KAZN: variants seen among roughly 807,000 people sequenced by gnomAD.
KAZN encodes the protein kazrin.
KAZN carries 40 observed loss-of-function variants against 87.4 expected under a neutral mutation model. That is an observed-to-expected ratio of 0.46 (90% CI 0.36 to 0.60). The LOEUF (loss-of-function observed/expected upper bound fraction) is 0.60, where lower values mean the gene tolerates loss of function less well. Among genes scored for constraint, KAZN ranks in the 20% least tolerant of loss-of-function variants. The pLI, the probability that KAZN is intolerant of heterozygous loss-of-function variation, is 0.00. For missense variants in KAZN, 898 were observed against 1,073.9 expected, an observed-to-expected ratio of 0.84 and a Z score of 2.29; for synonymous variants, 466 against 458.3, an observed-to-expected ratio of 1.02 and a Z score of -0.22.
intron 2 of KAZN, among the ~76,000 whole-genome samples, chr1:14,499,721 G>A (rs1270420140): frequency 6.6e-6 from 1 of 152,190 alleles, no homozygotes; most frequent in African/African-American, 2.4e-5. Flanking sequence ...CTTTTTGAAT[G>A]CTAAAAATGA....
Position 14,238,276 on chromosome 1 carries a change from T to G in KAZN, c.249+57684T>G, listed in dbSNP as rs1399723737. Among the ~76,000 whole-genome samples, 3 of 152,206 alleles carry G rather than the reference T, an allele frequency of 2.0e-5. No individual in the cohort carries two copies. In the East Asian group the frequency reaches 5.8e-4, roughly 29 times the overall value. ...TTTTTGTTCATGCTGCTGTGGTTGG[T>G]GCTGGGGCTGGCATCATGGAAGGCT... is the stretch of plus-strand genomic sequence containing the variant. On this transcript the variant is annotated intron_variant, in intron 2 of 16. Coordinates refer to the KAZN transcript ENST00000636203.
At chr1:14,528,352 AAAAAAAAAAG>A (rs1255514984) in intron 2 of KAZN, among the ~76,000 whole-genome samples, 5 of 145,774 alleles carry the variant, frequency 3.4e-5, no homozygotes, top group Non-Finnish European at 7.7e-5. Context: ...AAAAAAAAAA[AAAAAAAAAAG>A]AAAGAAAAAA....
chr1:14,005,778 G>A (rs1158877951), intron 1 of KAZN, among the ~76,000 whole-genome samples: 2 of 152,152 alleles, frequency 1.3e-5, no homozygotes, highest in Non-Finnish European at 2.9e-5. Context: ...AGACAATGGG[G>A]CTCTTCAGAT....
At position 14,157,849 on chromosome 1, in the gene KAZN, GCAAGGCATGTCTTA is replaced by G. The variant is rs568660167; in HGVS notation, c.92-22583_92-22570del. On this transcript the variant is annotated intron_variant, in intron 1 of 16. Transcript: ENST00000636203. Reference sequence around the variant, plus strand: ...AATCATGGAGGAAGGTGAAAGGGAAGCAAGGCATGTCTTACATGGCAGGATGCAAGAAAGAAGAG... The same window carrying G: ...AATCATGGAGGAAGGTGAAAGGGAAGCATGGCAGGATGCAAGAAAGAAGAG... Among the ~76,000 whole-genome samples, 18 of 152,288 alleles carry G rather than the reference GCAAGGCATGTCTTA, an allele frequency of 1.2e-4. No homozygotes were observed. The South Asian group carries it at 3.7e-3, about 32-fold the overall frequency.
chr1:14,017,328 C>T (rs778458773), intron 1 of KAZN, among the ~76,000 whole-genome samples: 1 of 152,200 alleles, frequency 6.6e-6, no homozygotes, highest in Non-Finnish European at 1.5e-5. Context: ...TGCCTTCTGA[C>T]TCAAGACTAG....
intron 2 of KAZN, among the ~76,000 whole-genome samples, chr1:14,187,352 A>G (rs1460187873): frequency 1.3e-5 from 2 of 152,194 alleles, no homozygotes; most frequent in Non-Finnish European, 2.9e-5. Context: ...TCTTAAAGCT[A>G]CACACTACCC....
rs941803390 is a variant in KAZN, at chr1:14,996,619, G to C, written c.418+35744G>C. ...GTTTCTGCCGCCAGCACCCTCCCAC[G>C]GGCGTGCAGATCTGACAAGATCAGG... On this transcript the variant is annotated intron_variant, in intron 2 of 14. Coordinates refer to ENST00000376030, the MANE Select transcript of KAZN (RefSeq NM_201628.3). This position sits in a 1 kb window ranked among gnomAD's most constrained non-coding sequence, Gnocchi z 5.9. 6.6e-6 allele frequency among the ~76,000 whole-genome samples: 1 copy of C among 152,190 alleles called. No individual in the cohort carries two copies. Among genetic ancestry groups the C allele is most frequent in the Non-Finnish European group, 1.5e-5 (1 of 68,030 alleles).
intron 2 of KAZN, among the ~76,000 whole-genome samples, chr1:14,975,295 TA>T (rs1665483042): frequency 1.3e-5 from 2 of 152,212 alleles, no homozygotes; most frequent in African/African-American, 4.8e-5. Context: ...CCCAACTTTT[TA>T]AATAGGTCTG....
Position 15,099,874 on chromosome 1 carries a change from A to C in KAZN, c.1548-1669A>C, listed in dbSNP as rs962946884. Among the ~76,000 whole-genome samples the C allele has an allele frequency of 6.6e-6, 1 of 152,238 alleles. No homozygotes were observed. Among genetic ancestry groups the C allele is most frequent in the Non-Finnish European group, 1.5e-5 (1 of 68,002 alleles). The stretch of plus-strand genomic sequence containing the variant: ...CAGCTTAGAGCTGGGAAAGGAGAGA[A>C]GTGGACAGAGGATGCACTGACCAGA... On this transcript the variant is annotated intron_variant, in intron 10 of 14. Coordinates refer to ENST00000376030, the MANE Select transcript of KAZN (RefSeq NM_201628.3). The surrounding 1 kb of genome is among the most constrained non-coding windows in gnomAD (Gnocchi z 5.4).
chr1:14,299,297 G>A (rs907412154), intron 2 of KAZN, among the ~76,000 whole-genome samples: 1 of 152,102 alleles, frequency 6.6e-6, no homozygotes, highest in Non-Finnish European at 1.5e-5. Flanking sequence ...GAGCTCAGGA[G>A]TTCAAGACCA....
intron 2 of KAZN, among the ~76,000 whole-genome samples, chr1:14,528,552 G>C (rs1672036817): frequency 6.6e-6 from 1 of 151,378 alleles, no homozygotes; most frequent in African/African-American, 2.4e-5. Context: ...GGGAGGCCGA[G>C]GTGGGAGGAT....
At chr1:14,485,093 C>A (rs1178387520) in intron 2 of KAZN, among the ~76,000 whole-genome samples, 2 of 151,996 alleles carry the variant, frequency 1.3e-5, no homozygotes, top group African/African-American at 4.8e-5. Context: ...TATCACGTAT[C>A]CAAAAGAACT....
intron 1 of KAZN, among the ~76,000 whole-genome samples, chr1:14,802,329 G>A (rs549352000): frequency 1.7e-4 from 26 of 151,824 alleles, no homozygotes; most frequent in African/African-American, 5.3e-4. Context: ...GCTTGAACCC[G>A]GGAAGCGGAG....
At chr1:14,108,843 C>T (rs1007062685) in intron 1 of KAZN, among the ~76,000 whole-genome samples, 5 of 152,236 alleles carry the variant, frequency 3.3e-5, no homozygotes, top group African/African-American at 1.2e-4. Context: ...CATCTTCCAT[C>T]CTTGGCAGGA....
intron 1 of KAZN, among the ~76,000 whole-genome samples, chr1:14,728,935 A>G (rs1643548222): frequency 6.6e-6 from 1 of 152,210 alleles, no homozygotes; most frequent in South Asian, 2.1e-4. Flanking sequence ...CTTTTAGGAT[A>G]ACAGCAGGCC....
chr1:15,082,368 G>A (rs1485867505), intron 8 of KAZN, among the ~76,000 whole-genome samples: 1 of 152,206 alleles, frequency 6.6e-6, no homozygotes, highest in African/African-American at 2.4e-5. Context: ...TTTGACCCCA[G>A]GGATGCAGAT....
intron 1 of KAZN, among the ~76,000 whole-genome samples, chr1:14,638,585 A>G (rs572711666): frequency 6.6e-6 from 1 of 151,852 alleles, no homozygotes; most frequent in Non-Finnish European, 1.5e-5. Flanking sequence ...AAAACAAAAA[A>G]AAAAAAACAA....
intron 1 of KAZN, among the ~76,000 whole-genome samples, chr1:14,127,556 C>G (rs1644901073): frequency 6.6e-6 from 1 of 152,132 alleles, no homozygotes; most frequent in African/African-American, 2.4e-5. Flanking sequence ...GCTCTGCCTT[C>G]CTCTATAGCT....
chr1:14,642,186 T>G (rs1322787827), intron 1 of KAZN, among the ~76,000 whole-genome samples: 2 of 152,108 alleles, frequency 1.3e-5, no homozygotes, highest in Non-Finnish European at 2.9e-5. Flanking sequence ...GATGACAAGC[T>G]CGGGAGATCG....
Sources: allele counts gnomAD v4.1 joint callset (sites outside exome capture counted in the v4.1 genomes callset), GRCh38; gene constraint gnomAD v4.1.1; non-coding constraint Gnocchi (gnomAD v3.1); transcripts MANE v1.5; gene names NCBI Gene and HGNC (gene_info 2026-07-23, HGNC 2026-07-21).